The following PCDH15 variants were observed in gnomAD, a reference collection of about 807,000 sequenced individuals.
PCDH15 encodes the protein protocadherin related 15.
A neutral mutation model predicts 178.5 loss-of-function variants in PCDH15; 129 were observed. The observed-to-expected ratio is 0.72, with a 90% CI of 0.63 to 0.84. PCDH15 has a LOEUF of 0.84. PCDH15 is among the 40% of genes least tolerant of loss of function. The pLI, the probability that PCDH15 is intolerant of heterozygous loss-of-function variation, is 0.00. For synonymous variants in PCDH15, 800 were observed against 732.0 expected (o/e 1.09, Z -1.50); for missense variants, 2,230 against 2,099.9 (o/e 1.06, Z -1.21).
In PCDH15 at chr10:54,822,863, C is replaced by T. The variant is rs180829932; in HGVS notation, c.-29+74587G>A. 9.4e-4 allele frequency among the ~76,000 whole-genome samples: 143 copies of T among 151,526 alleles called. 3 individuals are homozygous for T. Among genetic ancestry groups the T allele is most frequent in the Admixed American group, 8.7e-3 (131 of 15,140 alleles). ...AAATCTCATAAATAATAAGATAAAA[C>T]GCATTTTAATATAATATATTTATTT... On this transcript the variant is annotated intron_variant, in intron 3 of 5. Coordinates refer to the PCDH15 transcript ENST00000458638.
chr10:55,307,795 A>T (rs1048605377), intron 1 of PCDH15, among the ~76,000 whole-genome samples: 5 of 151,946 alleles, frequency 3.3e-5, no homozygotes, highest in Admixed American at 2.0e-4. Flanking sequence ...CATACTTCCT[A>T]ATAATAATTT....
chr10:55,548,856 G>T (rs1267062689), intron 2 of PCDH15, among the ~76,000 whole-genome samples: 1 of 152,078 alleles, frequency 6.6e-6, no homozygotes, highest in Non-Finnish European at 1.5e-5. Context: ...ATAGAAAAAT[G>T]ACAGCTGAAG....
chr10:54,333,593 G>GA (rs1940357254), intron 6 of PCDH15, among the ~76,000 whole-genome samples: 1 of 150,100 alleles, frequency 6.7e-6, no homozygotes, highest in Admixed American at 6.6e-5. Context: ...TTAAGCAAGG[G>GA]AAAAAAGTAG....
At chr10:54,529,001 C>A (rs1326693614) in intron 2 of PCDH15, among the ~76,000 whole-genome samples, 1 of 151,942 alleles carries the variant, frequency 6.6e-6, no homozygotes, top group Non-Finnish European at 1.5e-5. Context: ...ATGGCACACT[C>A]CTGTACAGCA....
chr10:55,467,800 C>G (rs1839863861), intron 2 of PCDH15, among the ~76,000 whole-genome samples: 1 of 151,170 alleles, frequency 6.6e-6, no homozygotes, highest in Admixed American at 6.6e-5. Flanking sequence ...CCCGTCTCTA[C>G]TAAAAATACA....
chr10:54,116,271 A>C (rs1427125415), intron 15 of PCDH15, among the ~76,000 whole-genome samples: 1 of 151,294 alleles, frequency 6.6e-6, no homozygotes, highest in Non-Finnish European at 1.5e-5. Context: ...TGAGTGGATT[A>C]ATGTGACTGA....
At chr10:54,645,305 T>C (rs561979236) in intron 2 of PCDH15, among the ~76,000 whole-genome samples, 2 of 151,888 alleles carry the variant, frequency 1.3e-5, no homozygotes, top group South Asian at 2.1e-4. Flanking sequence ...GTTTAGCAAC[T>C]GCTGAGAGAG....
intron 1 of PCDH15, among the ~76,000 whole-genome samples, chr10:54,760,047 G>T (rs2133125402): frequency 6.6e-6 from 1 of 152,256 alleles, no homozygotes; most frequent in East Asian, 1.9e-4. Flanking sequence ...TTGGCTCATA[G>T]GGCATAACTT....
intron 2 of PCDH15, among the ~76,000 whole-genome samples, chr10:54,974,032 C>T (rs1271599458): frequency 6.7e-6 from 1 of 150,124 alleles, no homozygotes; most frequent in Non-Finnish European, 1.5e-5. Flanking sequence ...CTCTCTCTCT[C>T]TCCTTCCTTC....
intron 15 of PCDH15, among the ~76,000 whole-genome samples, chr10:54,090,714 C>T (rs1250061181): frequency 6.7e-6 from 1 of 148,738 alleles, no homozygotes; most frequent in African/African-American, 2.5e-5. Context: ...ATATTCTTTT[C>T]TTTTTCTGTT....
At chr10:54,327,186 G>A (rs922634280) in intron 7 of PCDH15, among the ~76,000 whole-genome samples, 3 of 76,436 alleles carry the variant, frequency 3.9e-5, no homozygotes, top group Admixed American at 1.2e-4. Context: ...CTTTTTAATT[G>A]CATGATAAAA....
chr10:54,770,977 A>G (rs1487706963), intron 1 of PCDH15, among the ~76,000 whole-genome samples: 1 of 152,064 alleles, frequency 6.6e-6, no homozygotes, highest in South Asian at 2.1e-4. Flanking sequence ...GATGATATCA[A>G]TGTGCCCATA....
intron 14 of PCDH15, 124 bp downstream of exon 14, chr10:54,152,976 C>T (rs1027962649): frequency 8.4e-7 from 1 of 1,190,788 alleles, no homozygotes; most frequent in Non-Finnish European, 1.2e-6. Context: ...AATCTGGTCT[C>T]TCTGATTTTC....
chr10:55,045,970 T>C (rs1840993962), intron 2 of PCDH15, among the ~76,000 whole-genome samples: 1 of 152,050 alleles, frequency 6.6e-6, no homozygotes, highest in South Asian at 2.1e-4. Context: ...TCAAAACATG[T>C]GTGAAACTTT....
intron 9 of PCDH15, among the ~76,000 whole-genome samples, chr10:54,219,600 A>C (rs1439880186): frequency 6.7e-6 from 1 of 148,324 alleles, no homozygotes; most frequent in East Asian, 1.9e-4. Flanking sequence ...CTCAAAAAAA[A>C]AAAAAAAAAA....
intron 2 of PCDH15, among the ~76,000 whole-genome samples, chr10:55,362,130 G>T (rs1845245140): frequency 6.6e-6 from 1 of 152,000 alleles, no homozygotes; most frequent in Admixed American, 6.6e-5. Context: ...TTTCTTTCAT[G>T]ATGGAAAAAT....
intron 3 of PCDH15, among the ~76,000 whole-genome samples, chr10:54,832,738 T>C (rs548243665): frequency 1.9e-4 from 29 of 152,314 alleles, no homozygotes; most frequent in Non-Finnish European, 3.7e-4. Context: ...ACCCTTTTAT[T>C]ACTGGATAAT....
intron 14 of PCDH15, among the ~76,000 whole-genome samples, chr10:54,144,710 G>A (rs1002180632): frequency 3.3e-5 from 5 of 152,124 alleles, no homozygotes; most frequent in African/African-American, 7.2e-5. Context: ...GACCTAGACC[G>A]AAACCTTGGT....
At chr10:54,254,625 G>C (rs564945493) in intron 8 of PCDH15, among the ~76,000 whole-genome samples, 18 of 152,206 alleles carry the variant, frequency 1.2e-4, no homozygotes, top group African/African-American at 4.3e-4. Context: ...CATACTGAAG[G>C]ACCTTGGGAG....
Sources: allele counts gnomAD v4.1 joint callset (sites outside exome capture counted in the v4.1 genomes callset), GRCh38; gene constraint gnomAD v4.1.1; transcripts MANE v1.5; gene names NCBI Gene and HGNC (gene_info 2026-07-23, HGNC 2026-07-21).